Variants in SAMD3 observed in about 807,000 individuals in gnomAD.
SAMD3 encodes the protein sterile alpha motif domain containing 3.
Under a neutral mutation model 58.5 loss-of-function variants are expected in SAMD3, and 63 were observed. The ratio of observed to expected loss-of-function variants is 1.08; its 90% confidence interval spans 0.88 to 1.33. SAMD3 has a LOEUF of 1.33. Ranked by LOEUF, SAMD3 falls within the 40% of genes most tolerant of loss-of-function variation. The pLI is 0.00. For synonymous variants in SAMD3, 220 were observed against 210.3 expected (o/e 1.05, Z -0.40); for missense variants, 604 against 608.4 (o/e 0.99, Z 0.08).
chr6:130,270,104 CAG>C (rs1042931894), intron 2 of SAMD3, among the ~76,000 whole-genome samples: 2 of 152,000 alleles, frequency 1.3e-5, no homozygotes, highest in Non-Finnish European at 2.9e-5. Flanking sequence ...TTTTTTGAGA[CAG>C]AGTGTGACAG....
At chr6:130,253,832 T>A (rs1191814324) in intron 2 of SAMD3, among the ~76,000 whole-genome samples, 1 of 152,162 alleles carries the variant, frequency 6.6e-6, no homozygotes, top group Admixed American at 6.5e-5. Flanking sequence ...CATTAAATAA[T>A]GTTATTTACC....
intron 2 of SAMD3, among the ~76,000 whole-genome samples, chr6:130,308,590 T>C (rs1341779613): frequency 1.3e-5 from 2 of 151,904 alleles, no homozygotes; most frequent in Non-Finnish European, 2.9e-5. Flanking sequence ...ATTTCTGGGC[T>C]AGTAAGTATT....
At chr6:130,178,772 T>C (rs1791987696) in intron 7 of SAMD3, among the ~76,000 whole-genome samples, 1 of 152,216 alleles carries the variant, frequency 6.6e-6, no homozygotes, top group African/African-American at 2.4e-5. Flanking sequence ...TAGCTACTCA[T>C]AGAAGATATT....
In SAMD3 at chr6:130,259,781, C is replaced by A. The variant is rs186656814; in HGVS notation, c.-187-36968G>T. Among the ~76,000 whole-genome samples, 264 of 152,236 alleles carry A rather than the reference C, an allele frequency of 1.7e-3. 2 individuals are homozygous for A. The highest frequency in any genetic ancestry group is 6.2e-3 in the African/African-American group (258 of 41,538). The stretch of plus-strand genomic sequence containing the variant: ...AGTAACACAGAGAGAGCCTGCCTAT[C>A]CTTTACCCAGATTCCTCTAGTGATA... On this transcript the variant is annotated intron_variant, in intron 2 of 13. Transcript: ENST00000368134.
intron 2 of SAMD3, among the ~76,000 whole-genome samples, chr6:130,308,380 A>ATTCTATTCT (rs1775997662): frequency 1.5e-5 from 2 of 135,036 alleles, no homozygotes; most frequent in African/African-American, 2.9e-5. Context: ...ATTCTATTCT[A>ATTCTATTCT]TTCTATTCTA....
intron 2 of SAMD3, among the ~76,000 whole-genome samples, chr6:130,289,090 C>T (rs897403538): frequency 6.6e-6 from 1 of 152,086 alleles, no homozygotes; most frequent in Non-Finnish European, 1.5e-5. Context: ...TAATAAATAA[C>T]ACAATTAAGG....
At chr6:130,338,342 T>A (rs974912493) in intron 1 of SAMD3, among the ~76,000 whole-genome samples, 7 of 152,242 alleles carry the variant, frequency 4.6e-5, no homozygotes, top group South Asian at 2.1e-4. Context: ...AGAAGTCTGC[T>A]GCAAGGGGCA....
At chr6:130,262,678 C>G (rs1309723339) in intron 2 of SAMD3, among the ~76,000 whole-genome samples, 1 of 151,376 alleles carries the variant, frequency 6.6e-6, no homozygotes, top group Non-Finnish European at 1.5e-5. Context: ...ATTAAAGAAA[C>G]AGTTTATGTG....
chr6:130,319,822 T>C (rs1194642993), intron 1 of SAMD3, among the ~76,000 whole-genome samples: 2 of 152,078 alleles, frequency 1.3e-5, no homozygotes, highest in Non-Finnish European at 2.9e-5. Context: ...AAGTTTAACA[T>C]GTAGAAGTAA....
chr6:130,157,480 C>A (rs191648730), intron 8 of SAMD3, among the ~76,000 whole-genome samples: 1 of 152,246 alleles, frequency 6.6e-6, no homozygotes, highest in African/African-American at 2.4e-5. Flanking sequence ...AGGGCCATGC[C>A]ACCACATCTG....
chr6:130,339,204 G>C (rs1281282056), intron 1 of SAMD3, among the ~76,000 whole-genome samples: 1 of 151,930 alleles, frequency 6.6e-6, no homozygotes. Flanking sequence ...CTGCCACCAC[G>C]CCCGGCTAAT....
At chr6:130,247,359 T>C (rs1773583816) in intron 2 of SAMD3, among the ~76,000 whole-genome samples, 2 of 150,866 alleles carry the variant, frequency 1.3e-5, no homozygotes, top group Non-Finnish European at 2.9e-5. Flanking sequence ...CCCAGCTACA[T>C]GGGAGGCTGA....
At chr6:130,336,397 C>T (rs567022252) in intron 1 of SAMD3, among the ~76,000 whole-genome samples, 1 of 152,244 alleles carries the variant, frequency 6.6e-6, no homozygotes, top group African/African-American at 2.4e-5. Flanking sequence ...AGAGTTCCAA[C>T]ATAGTGCATG....
chr6:130,187,876 C>A (rs1325329400), intron 5 of SAMD3, among the ~76,000 whole-genome samples: 2 of 152,180 alleles, frequency 1.3e-5, no homozygotes, highest in African/African-American at 4.8e-5. Flanking sequence ...CAAGGTATCT[C>A]AATCCTGGGT....
At chr6:130,291,996 A>G (rs1775377779) in intron 2 of SAMD3, among the ~76,000 whole-genome samples, 1 of 152,224 alleles carries the variant, frequency 6.6e-6, no homozygotes, top group Non-Finnish European at 1.5e-5. Context: ...CAGGTCAGTT[A>G]TGTGACCTTT....
At chr6:130,182,087 A>ACC (rs59863956) in intron 7 of SAMD3, among the ~76,000 whole-genome samples, 1 of 149,348 alleles carries the variant, frequency 6.7e-6, no homozygotes, top group Non-Finnish European at 1.5e-5. Flanking sequence ...AAAAAAAAAA[A>ACC]CCACAAGTTC....
At chr6:130,154,712 AAAAAAAAT>A (rs1554252136) in intron 9 of SAMD3, 105 bp downstream of exon 9, 1,416 of 104,538 alleles carry the variant, frequency 0.014, 15 homozygotes, top group African/African-American at 0.043. Flanking sequence ...AAAAAAAAAA[AAAAAAAAT>A]ATATATATAT....
At chr6:130,279,171 C>G (rs972192348) in intron 2 of SAMD3, among the ~76,000 whole-genome samples, 2 of 152,090 alleles carry the variant, frequency 1.3e-5, no homozygotes, top group Non-Finnish European at 2.9e-5. Flanking sequence ...TATAAAGTTC[C>G]TGTTCCTGGT....
intron 2 of SAMD3, among the ~76,000 whole-genome samples, chr6:130,266,718 G>C (rs1404865560): frequency 6.6e-6 from 1 of 152,160 alleles, no homozygotes; most frequent in Non-Finnish European, 1.5e-5. Flanking sequence ...CAGTAGGCAG[G>C]TAGTTGTGTT....
Sources: gnomAD v4.1 joint callset for allele counts (sites outside exome capture counted in the v4.1 genomes callset) on GRCh38, gnomAD v4.1.1 for gene constraint, MANE v1.5 for transcripts, NCBI Gene and HGNC (gene_info 2026-07-23, HGNC 2026-07-21) for gene names.